The following SGCZ variants were observed in gnomAD, a reference collection of about 807,000 sequenced individuals.
SGCZ encodes zeta-sarcoglycan.
In SGCZ, 40 loss-of-function variants were observed where a neutral mutation model predicts 41.3. That is an observed-to-expected ratio of 0.97 (90% CI 0.75 to 1.26). The LOEUF is 1.26. Ranked by LOEUF, SGCZ falls within the 50% of genes most tolerant of loss-of-function variation. The pLI is 0.00. For missense variants in SGCZ, 552 were observed against 369.8 expected (o/e 1.49, Z -4.04); for synonymous variants, 206 against 137.5 (o/e 1.50, Z -3.49).
chr8:14,861,068 G>GCACTAC (rs1803730995), intron 1 of SGCZ, among the ~76,000 whole-genome samples: 1 of 152,174 alleles, frequency 6.6e-6, no homozygotes, highest in Non-Finnish European at 1.5e-5. Flanking sequence ...CGATGCTTGA[G>GCACTAC]AGTTGAGAAA....
At chr8:14,136,289 C>A (rs765493) in intron 5 of SGCZ, among the ~76,000 whole-genome samples, 49,276 of 151,978 alleles carry the variant, frequency 0.32, 10,254 homozygotes, top group Non-Finnish European at 0.47. Flanking sequence ...GTTAATCTCA[C>A]TGGGACTGCG....
At chr8:14,876,822 A>T (rs1395750039) in intron 1 of SGCZ, among the ~76,000 whole-genome samples, 1 of 152,174 alleles carries the variant, frequency 6.6e-6, no homozygotes, top group African/African-American at 2.4e-5. Flanking sequence ...CTACCAGATG[A>T]CATTCACTAA....
At chr8:14,559,071 A>G (rs1302287496) in intron 1 of SGCZ, among the ~76,000 whole-genome samples, 2 of 152,142 alleles carry the variant, frequency 1.3e-5, no homozygotes, top group Non-Finnish European at 2.9e-5. Context: ...AACTGGAACA[A>G]GATAAGGATG....
intron 2 of SGCZ, among the ~76,000 whole-genome samples, chr8:14,334,499 A>G (rs971870614): frequency 5.9e-5 from 9 of 152,224 alleles, no homozygotes; most frequent in East Asian, 3.9e-4. Flanking sequence ...AACATGTTAC[A>G]TTTATTGTAT....
intron 4 of SGCZ, among the ~76,000 whole-genome samples, chr8:14,182,008 T>C (rs944184589): frequency 6.6e-6 from 1 of 152,174 alleles, no homozygotes; most frequent in African/African-American, 2.4e-5. Flanking sequence ...AAATTGGAGA[T>C]ATGTTTTACT....
At chr8:14,876,695 G>A (rs1215435684) in intron 1 of SGCZ, among the ~76,000 whole-genome samples, 1 of 152,142 alleles carries the variant, frequency 6.6e-6, no homozygotes, top group Non-Finnish European at 1.5e-5. Context: ...CACAAATAGT[G>A]AGTAACTTTT....
intron 1 of SGCZ, among the ~76,000 whole-genome samples, chr8:15,105,136 C>T (rs555848941): frequency 9.9e-4 from 151 of 152,322 alleles, no homozygotes; most frequent in African/African-American, 3.4e-3. Flanking sequence ...TTACTGGACA[C>T]TTGTATTACC....
chr8:14,551,873 C>T (rs904314136), intron 2 of SGCZ, among the ~76,000 whole-genome samples: 16 of 150,046 alleles, frequency 1.1e-4, no homozygotes, highest in African/African-American at 4.0e-4. Context: ...CAGAATATCG[C>T]TCATAATGAT....
chr8:14,818,969 G>C (rs1036718540), intron 1 of SGCZ, among the ~76,000 whole-genome samples: 2 of 151,830 alleles, frequency 1.3e-5, no homozygotes, highest in African/African-American at 2.4e-5. Flanking sequence ...ATAGAAAAAA[G>C]AACAGAAAAG....
intron 1 of SGCZ, among the ~76,000 whole-genome samples, chr8:15,059,288 G>C (rs1352044407): frequency 6.6e-6 from 1 of 152,058 alleles, no homozygotes; most frequent in Non-Finnish European, 1.5e-5. Flanking sequence ...TAAATAGTTT[G>C]TGTAAGCAAT....
intron 2 of SGCZ, among the ~76,000 whole-genome samples, chr8:14,444,485 A>C (rs1800371973): frequency 6.6e-6 from 1 of 152,182 alleles, no homozygotes; most frequent in Non-Finnish European, 1.5e-5. Context: ...TGCAGCCATA[A>C]AAAATGATGA....
At chr8:14,404,031 G>T (rs1308400914) in intron 2 of SGCZ, among the ~76,000 whole-genome samples, 1 of 152,034 alleles carries the variant, frequency 6.6e-6, no homozygotes, top group East Asian at 1.9e-4. Context: ...GATGGAGGAG[G>T]GGGGCCAACA....
chr8:15,201,726 A>G (rs979681801), intron 1 of SGCZ, among the ~76,000 whole-genome samples: 2 of 152,182 alleles, frequency 1.3e-5, no homozygotes, highest in African/African-American at 2.4e-5. Context: ...ACACATTGCA[A>G]TGCATAGAAA....
intron 1 of SGCZ, among the ~76,000 whole-genome samples, chr8:15,178,516 C>A (rs938069385): frequency 5.9e-5 from 9 of 152,164 alleles, no homozygotes; most frequent in African/African-American, 1.9e-4. Context: ...AGCTGACTTT[C>A]TAGAAACTAC....
In SGCZ at chr8:14,139,884, A is replaced by C. The variant is rs573538402; in HGVS notation, c.547+24696T>G. Among the ~76,000 whole-genome samples the C allele has an allele frequency of 2.0e-5, 3 of 152,276 alleles. No individual in the cohort carries two copies. The South Asian group carries it at 6.2e-4, about 32-fold the overall frequency. ...AAAGCCTGGCAGAGACACAACAAAAAAACAGAATTTTAGATCAATATCCCT... is the reference window on the plus strand; with the variant it reads ...AAAGCCTGGCAGAGACACAACAAAACAACAGAATTTTAGATCAATATCCCT... On this transcript the variant is annotated intron_variant, in intron 5 of 7. Coordinates refer to ENST00000382080, the MANE Select transcript of SGCZ (RefSeq NM_139167.4).
chr8:14,384,025 T>TA (rs1024355896), intron 2 of SGCZ, among the ~76,000 whole-genome samples: 11 of 151,992 alleles, frequency 7.2e-5, no homozygotes, highest in African/African-American at 2.7e-4. Flanking sequence ...ACATGTAGGT[T>TA]ACACATGTAT....
intron 1 of SGCZ, among the ~76,000 whole-genome samples, chr8:14,655,366 T>G (rs1279854103): frequency 6.6e-6 from 1 of 152,142 alleles, no homozygotes; most frequent in African/African-American, 2.4e-5. Flanking sequence ...CAGCCACTGA[T>G]TTTTGTTCCT....
At chr8:15,060,841 A>T (rs1261061799) in intron 1 of SGCZ, among the ~76,000 whole-genome samples, 1 of 152,108 alleles carries the variant, frequency 6.6e-6, no homozygotes, top group Non-Finnish European at 1.5e-5. Context: ...TTCAAACTGA[A>T]AAATCTGTCT....
chr8:14,996,498 C>T (rs1475097196), intron 1 of SGCZ, among the ~76,000 whole-genome samples: 1 of 151,968 alleles, frequency 6.6e-6, no homozygotes, highest in Non-Finnish European at 1.5e-5. Context: ...AACTCTTGAA[C>T]TCAAGTGATC....
Sources: allele counts gnomAD v4.1 joint callset (sites outside exome capture counted in the v4.1 genomes callset), GRCh38; gene constraint gnomAD v4.1.1; transcripts MANE v1.5; gene names NCBI Gene and HGNC (gene_info 2026-07-23, HGNC 2026-07-21).